The following TMCC1 variants were observed in gnomAD, a reference collection of about 807,000 sequenced individuals.
The protein encoded by TMCC1 is transmembrane and coiled-coil domain family 1, also known as transmembrane and coiled-coil domains protein 1.
In TMCC1, 15 loss-of-function variants were observed where a neutral mutation model predicts 52.4. The ratio of observed to expected loss-of-function variants is 0.29; its 90% CI spans 0.19 to 0.44. The LOEUF is 0.44. Among genes scored for constraint, TMCC1 ranks in the 20% least tolerant of loss-of-function variants. The pLI, the probability that TMCC1 is intolerant of heterozygous loss-of-function variation, is 1.00. For missense variants in TMCC1, 503 were observed against 806.0 expected (o/e 0.62, Z 4.55); for synonymous variants, 279 against 301.9 (o/e 0.92, Z 0.79).
chr3:129,677,737 C>A (rs370084065), intron 4 of TMCC1, among the ~76,000 whole-genome samples: 1 of 152,120 alleles, frequency 6.6e-6, no homozygotes, highest in Non-Finnish European at 1.5e-5. Context: ...AGTAGAGGGT[C>A]CAAGGAAGAG....
chr3:129,826,793 A>C (rs972514680), intron 4 of TMCC1, among the ~76,000 whole-genome samples: 3 of 152,124 alleles, frequency 2.0e-5, no homozygotes, highest in African/African-American at 4.8e-5. Flanking sequence ...ATAAAAAAAA[A>C]CCTAACTGTA....
intron 4 of TMCC1, among the ~76,000 whole-genome samples, chr3:129,804,697 G>T (rs2057367865): frequency 6.6e-6 from 1 of 152,078 alleles, no homozygotes; most frequent in Non-Finnish European, 1.5e-5. Flanking sequence ...TGTGGGCACG[G>T]TATATCTAAT....
At chr3:129,733,384 C>A (rs1165647447) in intron 4 of TMCC1, among the ~76,000 whole-genome samples, 1 of 152,184 alleles carries the variant, frequency 6.6e-6, no homozygotes, top group African/African-American at 2.4e-5. Flanking sequence ...TGCTTTCTTA[C>A]CTTGGCTTCT....
intron 5 of TMCC1, among the ~76,000 whole-genome samples, chr3:129,665,041 G>C (rs1440672542): frequency 5.9e-5 from 9 of 152,182 alleles, no homozygotes; most frequent in Non-Finnish European, 1.5e-5. Context: ...AACTGGACAA[G>C]AATCTGAAGT....
chr3:129,712,000 T>TC (rs1366269820), intron 4 of TMCC1, among the ~76,000 whole-genome samples: 1 of 4,082 alleles, frequency 2.4e-4, no homozygotes, highest in African/African-American at 1.2e-3. Flanking sequence ...AGACTCTGTC[T>TC]CAAAAAAAAA....
At chr3:129,764,994 G>T (rs967587153) in intron 4 of TMCC1, among the ~76,000 whole-genome samples, 1 of 150,418 alleles carries the variant, frequency 6.6e-6, no homozygotes, top group Middle Eastern at 3.5e-3. Context: ...TAGAAAGAGG[G>T]TCTTACTATA....
intron 4 of TMCC1, among the ~76,000 whole-genome samples, chr3:129,723,067 T>C (rs1298193773): frequency 2.0e-5 from 3 of 152,208 alleles, no homozygotes; most frequent in Admixed American, 1.3e-4. Flanking sequence ...AGAAAATATG[T>C]ATCATTTATA....
At chr3:129,693,736 T>C (rs948968281) in intron 4 of TMCC1, among the ~76,000 whole-genome samples, 1 of 152,162 alleles carries the variant, frequency 6.6e-6, no homozygotes, top group African/African-American at 2.4e-5. Context: ...CACATTTTAG[T>C]AGATTGATTC....
At chr3:129,718,528 G>C (rs1226865659) in intron 4 of TMCC1, among the ~76,000 whole-genome samples, 1 of 152,222 alleles carries the variant, frequency 6.6e-6, no homozygotes. Context: ...TGCGTAAGAA[G>C]TGAGACTAGT....
chr3:129,852,456 CAAAAAAAAAAAAA>C (rs1015860543), intron 2 of TMCC1, among the ~76,000 whole-genome samples: 3 of 39,826 alleles, frequency 7.5e-5, no homozygotes, highest in Admixed American at 2.9e-4. Flanking sequence ...GACACCGTCT[CAAAAAAAAAAAAA>C]AAAAAAAAAA....
At chr3:129,861,355 G>A (rs1009141606) in intron 2 of TMCC1, among the ~76,000 whole-genome samples, 14 of 152,080 alleles carry the variant, frequency 9.2e-5, no homozygotes, top group African/African-American at 2.4e-4. Flanking sequence ...CAGGAGAATC[G>A]CTCGAACCTA....
intron 2 of TMCC1, among the ~76,000 whole-genome samples, chr3:129,871,557 C>G (rs1189404633): frequency 2.0e-5 from 3 of 151,980 alleles, no homozygotes; most frequent in Non-Finnish European, 4.4e-5. Context: ...AGATCTCAAT[C>G]CACACAACTT....
chr3:129,871,381 A>G (rs1647939440), intron 2 of TMCC1, among the ~76,000 whole-genome samples: 3 of 151,874 alleles, frequency 2.0e-5, no homozygotes, highest in Admixed American at 2.0e-4. Flanking sequence ...AAAAAAAAAA[A>G]AAAAAAGAAT....
chr3:129,793,488 C>T (rs568129141), intron 4 of TMCC1, among the ~76,000 whole-genome samples: 133 of 152,328 alleles, frequency 8.7e-4, no homozygotes, highest in African/African-American at 3.0e-3. Flanking sequence ...AGGGAATGAA[C>T]TGTGACACAA....
intron 1 of TMCC1, among the ~76,000 whole-genome samples, chr3:129,889,434 C>T (rs767263998): frequency 1.1e-4 from 17 of 152,006 alleles, no homozygotes; most frequent in Non-Finnish European, 1.2e-4. Flanking sequence ...AGTGAAAGAA[C>T]ATTAAGGAAA....
At chr3:129,846,149 G>A (rs563911008) in intron 2 of TMCC1, among the ~76,000 whole-genome samples, 11 of 152,128 alleles carry the variant, frequency 7.2e-5, no homozygotes, top group East Asian at 3.9e-4. Flanking sequence ...GCCAAAAGGC[G>A]TTGGGGGAAA....
At chr3:129,825,538 T>C (rs1350856805) in intron 4 of TMCC1, among the ~76,000 whole-genome samples, 1 of 114,520 alleles carries the variant, frequency 8.7e-6, no homozygotes, top group East Asian at 2.4e-4. Flanking sequence ...TTGGTGGGGG[T>C]GGGTGGTAGG....
intron 4 of TMCC1, among the ~76,000 whole-genome samples, chr3:129,683,566 A>G (rs1198324093): frequency 3.9e-5 from 6 of 152,180 alleles, no homozygotes; most frequent in African/African-American, 1.2e-4. Flanking sequence ...TCTACATGTC[A>G]ATAGGTTTTT....
chr3:129,815,443 C>A (rs1009194202), intron 4 of TMCC1, among the ~76,000 whole-genome samples: 2 of 152,052 alleles, frequency 1.3e-5, no homozygotes, highest in African/African-American at 4.8e-5. Flanking sequence ...AGATATAAAT[C>A]AACACATTTA....
Sources: gnomAD v4.1 joint callset for allele counts (sites outside exome capture counted in the v4.1 genomes callset) on GRCh38, gnomAD v4.1.1 for gene constraint, MANE v1.5 for transcripts, NCBI Gene and HGNC (gene_info 2026-07-23, HGNC 2026-07-21) for gene names.